Variants in GRAMD1A observed in about 807,000 individuals in gnomAD.
GRAMD1A encodes the protein GRAM domain containing 1A, also known as protein Aster-A.
Under a neutral mutation model 92.0 loss-of-function variants are expected in GRAMD1A, and 50 were observed. That is an observed-to-expected ratio of 0.54 (90% CI 0.43 to 0.69). The LOEUF (loss-of-function observed/expected upper bound fraction) is 0.69. GRAMD1A is among the 30% of genes least tolerant of loss of function. GRAMD1A has a pLI of 0.00. For synonymous variants in GRAMD1A, 405 were observed against 403.6 expected, an observed-to-expected ratio of 1.00 and a Z score of -0.04; for missense variants, 819 against 978.9, an observed-to-expected ratio of 0.84 and a Z score of 2.18.
At position 35,021,836 on chromosome 19, in the gene GRAMD1A, C is replaced by A; in HGVS notation, c.1725C>A (p.Pro575=). 1 of 1,604,586 alleles carries A rather than the reference C, an allele frequency of 6.2e-7. No individual in the cohort carries two copies. Among genetic ancestry groups the A allele is most frequent in the South Asian group, 1.1e-5 (1 of 90,038 alleles). Residue 575 remains proline (P), a synonymous_variant, in exon 15 of 20, where the codon CCC becomes CCA. Transcript: ENST00000317991. This position sits in a 1 kb window ranked among gnomAD's most constrained non-coding sequence, Gnocchi z 5.3. ...GDGPQHPDPD[P]CARAGIHTSG... ...GGCCCCAGCACCCAGATCCTGACCC[C>A]TGTGCCCGGGCCGGCATTCACACCT...
chr19:35,009,091 A>G (rs1395479269), intron 1 of GRAMD1A, 28 bp from the exon 2 acceptor site: 1 of 1,515,218 alleles, frequency 6.6e-7, no homozygotes, highest in South Asian at 1.1e-5. Flanking sequence ...TTTCCAGTTA[A>G]CACTTCTCTT....
At position 35,000,568 on chromosome 19, in the gene GRAMD1A, G is replaced by A. The variant is rs2014282477; in HGVS notation, c.8+82G>A. The A allele has an allele frequency of 4.4e-6, 5 of 1,126,252 alleles. No individual in the cohort carries two copies. In the East Asian group the frequency reaches 1.7e-4, roughly 39 times the overall value. 69.8% of individuals were successfully genotyped at this position (1,126,252 alleles called of 1,614,324 possible). A position where few individuals can be genotyped will look rare whatever the true frequency, so the allele number is the denominator to read the frequency against. On this transcript the variant is annotated intron_variant, in intron 1 of 19. Coordinates refer to ENST00000317991, the MANE Select transcript of GRAMD1A (RefSeq NM_020895.5). This position sits in a 1 kb window ranked among gnomAD's most constrained non-coding sequence, Gnocchi z 4.9. The stretch of plus-strand genomic sequence containing the variant: ...GGAGGGGGCGCCGCGGGCTTGGGGA[G>A]GGGGCGGAGCGGCCGCTGCAGAGGT...
chr19:35,006,059 C>T, intron 1 of GRAMD1A: 1 of 446,250 alleles, frequency 2.2e-6, no homozygotes, highest in Non-Finnish European at 4.5e-6. Context: ...GGTGCAGTGG[C>T]TCACAGCTGT....
intron 1 of GRAMD1A, among the ~76,000 whole-genome samples, chr19:35,001,661 G>A (rs1488150013): frequency 6.6e-6 from 1 of 151,828 alleles, no homozygotes; most frequent in African/African-American, 2.4e-5. Flanking sequence ...AGGCTAGAGT[G>A]CAGTGGCACG....
chr19:35,010,433 TC>T, intron 6 of GRAMD1A, 54 bp downstream of exon 6: 2 of 1,160,300 alleles, frequency 1.7e-6, no homozygotes, highest in African/African-American at 1.5e-5. Context: ...GCAGGCCGCC[TC>T]CCCCAAACAT....
At position 35,021,967 on chromosome 19, in the gene GRAMD1A, C is replaced by T. The variant is rs2016093552; in HGVS notation, c.1770C>T (p.Arg590=). 3 of 1,613,996 alleles carry T rather than the reference C, an allele frequency of 1.9e-6. No individual in the cohort carries two copies. Among genetic ancestry groups the T allele is most frequent in the South Asian group, 2.2e-5 (2 of 91,072 alleles). The change falls in exon 16 of 20, where the codon CGC becomes CGT. Residue 590 remains arginine (R), a synonymous_variant. Transcript: ENST00000317991. The surrounding 1 kb of genome is among the most constrained non-coding windows in gnomAD (Gnocchi z 5.3). The part of the protein sequence containing the change: ...GIHTSGSLSS[R]FSEPSVDQGP... ...CTCCTGCAGGCTCCCTCAGCTCCCG[C>T]TTCTCCGAACCATCTGTGGACCAGG...
chr19:35,019,677 T>C, intron 13 of GRAMD1A, 144 bp downstream of exon 13: 2 of 787,414 alleles, frequency 2.5e-6, no homozygotes, highest in Middle Eastern at 3.5e-4. Context: ...GTCCTCCGAA[T>C]AGTGGAGGGT....
chr19:35,013,399 T>C lies in GRAMD1A; in HGVS notation c.719+31T>C. 6.6e-7 allele frequency: 1 copy of C among 1,512,130 alleles called. No individual in the cohort carries two copies. Among genetic ancestry groups the C allele is most frequent in the East Asian group, 2.4e-5 (1 of 42,100 alleles). The allele number at this position is 1,512,130 out of a possible 1,614,324, so 93.7% of individuals were successfully genotyped here. ...TTGGAGGTCAAAGGAGGTTGAAGGG[T>C]TCGGGGGAGAACAGGACGGTCGGCG... On this transcript the variant is annotated intron_variant, in intron 8 of 19. Coordinates refer to ENST00000317991, the MANE Select transcript of GRAMD1A (RefSeq NM_020895.5). This position sits in a 1 kb window ranked among gnomAD's most constrained non-coding sequence, Gnocchi z 4.9.
rs576288301 is a variant in GRAMD1A, at chr19:35,020,244, T to A, written c.1475+711T>A. On this transcript the variant is annotated intron_variant, in intron 13 of 19. Coordinates refer to ENST00000317991, the MANE Select transcript of GRAMD1A (RefSeq NM_020895.5). ...CTGTCTCTACAAAAACAATTTTTTT[T>A]AAATTAGCCAGGGTCCAGGTGCAGT... 3.1e-3 allele frequency among the ~76,000 whole-genome samples: 476 copies of A among 152,230 alleles called. 5 individuals are homozygous for A. Among genetic ancestry groups the A allele is most frequent in the African/African-American group, 0.011 (451 of 41,540 alleles).
intron 11 of GRAMD1A, 132 bp from the exon 12 acceptor site, chr19:35,019,059 A>G: frequency 3.0e-6 from 2 of 676,952 alleles, no homozygotes; most frequent in South Asian, 3.6e-5. Flanking sequence ...CCTGGAAGGA[A>G]GGTGGGGACA....
intron 1 of GRAMD1A, 81 bp from the exon 2 acceptor site, chr19:35,009,038 T>C: frequency 1.1e-6 from 1 of 882,372 alleles, no homozygotes; most frequent in Non-Finnish European, 1.9e-6. Flanking sequence ...GATCAATGGG[T>C]GGGCCTCTGA....
intron 7 of GRAMD1A, among the ~76,000 whole-genome samples, chr19:35,012,217 C>G (rs2015293594): frequency 6.6e-6 from 1 of 152,210 alleles, no homozygotes. Context: ...CCCCTCTGCC[C>G]CCCGGCTGTA....
rs2016412073 is a variant in GRAMD1A at position 35,026,037 on chromosome 19, T to A, written c.2083-12T>A. The A allele has an allele frequency of 6.7e-7, 1 of 1,488,074 alleles. No homozygotes were observed. The highest frequency in any genetic ancestry group is 9.4e-7 in the Non-Finnish European group (1 of 1,065,698). 92.2% of individuals were successfully genotyped at this position (1,488,074 alleles called of 1,614,324 possible). On this transcript the variant is annotated splice_polypyrimidine_tract_variant and intron_variant, in intron 19 of 19. Transcript: ENST00000317991. Reference sequence around the variant, plus strand: ...GCGTTCACCCCCGACCCTGCTCACCTCCTCCCCGCAGATGAAGTTCTCGCT... The same window carrying A: ...GCGTTCACCCCCGACCCTGCTCACCACCTCCCCGCAGATGAAGTTCTCGCT...
At chr19:34,999,688 G>T (rs2014206130), upstream of GRAMD1A, among the ~76,000 whole-genome samples, 1 of 152,234 alleles carries the variant, frequency 6.6e-6, no homozygotes. Context: ...TTACCACCGA[G>T]TTAGTGGGAC....
At chr19:34,999,168 GGAA>G (rs1195686962), upstream of GRAMD1A, among the ~76,000 whole-genome samples, 5 of 152,172 alleles carry the variant, frequency 3.3e-5, no homozygotes, top group Admixed American at 1.3e-4. Flanking sequence ...GGGCAGCGGA[GGAA>G]GAAGAGTTTA....
In GRAMD1A at chr19:35,023,106, C is replaced by G. The variant is rs1318436137; in HGVS notation, c.1854-130C>G. 5 of 822,264 alleles carry G rather than the reference C, an allele frequency of 6.1e-6. 1 individual carries two copies. The highest frequency in any genetic ancestry group is 1.0e-5 in the Non-Finnish European group (5 of 479,310). The allele number at this position is 822,264 out of a possible 1,614,324, so 50.9% of individuals were successfully genotyped here. A position where few individuals can be genotyped will look rare whatever the true frequency, so the allele number is the denominator to read the frequency against. ...GGACTGTGCAACCCTAGGCATGTCT[C>G]TCATCCTCTCTGAGCCTAATTCTCC... On this transcript the variant is annotated intron_variant, in intron 17 of 19. Coordinates refer to ENST00000317991, the MANE Select transcript of GRAMD1A (RefSeq NM_020895.5).
chr19:35,018,301 CAG>C (rs1231844009), intron 11 of GRAMD1A, among the ~76,000 whole-genome samples: 1 of 152,110 alleles, frequency 6.6e-6, no homozygotes, highest in Admixed American at 6.5e-5. Flanking sequence ...CCGGCTGCCT[CAG>C]GGAGCTTTTG....
At position 35,013,876 on chromosome 19, in the gene GRAMD1A, AAG is replaced by A. The variant is rs2015431849; in HGVS notation, c.870+190_870+191del. On this transcript the variant is annotated intron_variant, in intron 9 of 19. Coordinates refer to ENST00000317991, the MANE Select transcript of GRAMD1A (RefSeq NM_020895.5). This position sits in a 1 kb window ranked among gnomAD's most constrained non-coding sequence, Gnocchi z 4.9. ...ATGTGACAGGGAAAGAGAGACAGGGAAGAGAGGGGACAGACAGAAAGGATGAG... is the reference window on the plus strand; with the variant it reads ...ATGTGACAGGGAAAGAGAGACAGGGAAGAGGGGACAGACAGAAAGGATGAG... 1.3e-5 allele frequency among the ~76,000 whole-genome samples: 2 copies of A among 152,044 alleles called. No homozygotes were observed. The highest frequency in any genetic ancestry group is 2.4e-5 in the African/African-American group (1 of 41,374).
chr19:35,013,358 A>T lies in GRAMD1A; in HGVS notation c.709A>T (p.Asn237Tyr), dbSNP rs1197381489. 1 of 1,554,440 alleles carries T rather than the reference A, an allele frequency of 6.4e-7. No homozygotes were observed. Among genetic ancestry groups the T allele is most frequent in the South Asian group, 1.2e-5 (1 of 85,122 alleles). Residue 237 changes from asparagine (N) to tyrosine (Y), a missense_variant, in exon 8 of 20, where the codon AAC (asparagine) becomes TAC (tyrosine). By Grantham distance (143) the Asn-to-Tyr change is moderately radical. This residue lies in a region of GRAMD1A where 577 missense variants were observed against 674.6 expected (regional missense o/e 0.86). Transcript: ENST00000317991. This position sits in a 1 kb window ranked among gnomAD's most constrained non-coding sequence, Gnocchi z 4.9. ...DEDYVSPLQL[N>Y]GLGTPKEVGD... ...GGACTATGTCTCCCCCTTGCAGCTG[A>T]ACGGTCTGGGGTGAGTTGGAGGTCA...
Sources: gnomAD v4.1 joint callset for allele counts (sites outside exome capture counted in the v4.1 genomes callset) on GRCh38, gnomAD v4.1.1 for gene constraint, gnomAD v4.1.1 regional missense constraint, Gnocchi (gnomAD v3.1) non-coding constraint, MANE v1.5 for transcripts, NCBI Gene and HGNC (gene_info 2026-07-23, HGNC 2026-07-21) for gene names.